ATRNL1: variants seen among roughly 807,000 people sequenced by gnomAD.
ATRNL1 encodes the protein attractin like 1, also known as attractin-like protein 1.
A neutral mutation model predicts 182.7 loss-of-function variants in ATRNL1; 95 were observed. That is an observed-to-expected ratio of 0.52 (90% CI 0.44 to 0.62). The LOEUF (loss-of-function observed/expected upper bound fraction) is 0.62. Among genes scored for constraint, ATRNL1 ranks in the 20% least tolerant of loss-of-function variants. ATRNL1 has a pLI of 0.00. For missense variants in ATRNL1, 1,471 were observed against 1,679.5 expected (o/e 0.88, Z 2.17); for synonymous variants, 576 against 568.3 (o/e 1.01, Z -0.19).
At chr10:115,303,879 G>A (rs1224363128) in intron 17 of ATRNL1, among the ~76,000 whole-genome samples, 1 of 152,018 alleles carries the variant, frequency 6.6e-6, no homozygotes, top group Non-Finnish European at 1.5e-5. Flanking sequence ...TCAGGAATAT[G>A]TTGTGGTTGA....
chr10:115,779,449 G>A (rs1488060433), intron 27 of ATRNL1, among the ~76,000 whole-genome samples: 1 of 152,174 alleles, frequency 6.6e-6, no homozygotes, highest in African/African-American at 2.4e-5. Flanking sequence ...CATCTACAAT[G>A]TCACTCACAT....
intron 21 of ATRNL1, among the ~76,000 whole-genome samples, chr10:115,431,319 C>T (rs952887556): frequency 5.3e-5 from 8 of 150,488 alleles, no homozygotes; most frequent in African/African-American, 1.5e-4. Context: ...GCAGGAGAAT[C>T]GCTTGAACCT....
At chr10:115,446,815 CTA>C (rs1267019247) in intron 21 of ATRNL1, among the ~76,000 whole-genome samples, 2 of 151,626 alleles carry the variant, frequency 1.3e-5, no homozygotes, top group African/African-American at 4.9e-5. Context: ...TTTTTATAAA[CTA>C]TTTTTATATA....
intron 10 of ATRNL1, among the ~76,000 whole-genome samples, chr10:115,255,753 A>G (rs1554906670): frequency 6.6e-6 from 1 of 152,224 alleles, no homozygotes; most frequent in Admixed American, 6.5e-5. Flanking sequence ...TTGCCCATTC[A>G]GTATGATACT....
intron 20 of ATRNL1, among the ~76,000 whole-genome samples, chr10:115,404,410 C>T (rs1296066786): frequency 6.6e-6 from 1 of 152,174 alleles, no homozygotes; most frequent in Non-Finnish European, 1.5e-5. Context: ...GCCATACACC[C>T]TCTGTTTCCT....
intron 27 of ATRNL1, among the ~76,000 whole-genome samples, chr10:115,831,140 G>A (rs141051973): frequency 3.9e-4 from 60 of 152,214 alleles, no homozygotes; most frequent in African/African-American, 1.4e-3. Flanking sequence ...AACACGGATG[G>A]GCTGGTTGGT....
intron 1 of ATRNL1, among the ~76,000 whole-genome samples, chr10:115,118,568 C>A (rs1844592445): frequency 6.6e-6 from 1 of 152,032 alleles, no homozygotes; most frequent in Non-Finnish European, 1.5e-5. Flanking sequence ...TTCTGGTACA[C>A]CACTATTTTA....
At chr10:115,540,395 A>G (rs1554991648) in intron 25 of ATRNL1, among the ~76,000 whole-genome samples, 1 of 152,136 alleles carries the variant, frequency 6.6e-6, no homozygotes, top group African/African-American at 2.4e-5. Flanking sequence ...TCTCTAGAGA[A>G]TATCAACATT....
chr10:115,719,376 A>T (rs1487728077), intron 26 of ATRNL1, among the ~76,000 whole-genome samples: 1 of 152,248 alleles, frequency 6.6e-6, no homozygotes, highest in Non-Finnish European at 1.5e-5. Flanking sequence ...TATCATCTGC[A>T]TAATCAAAGT....
At chr10:115,305,181 C>T (rs114857100) in intron 17 of ATRNL1, among the ~76,000 whole-genome samples, 1,786 of 151,876 alleles carry the variant, frequency 0.012, 34 homozygotes, top group African/African-American at 0.04. Flanking sequence ...AGGCAATGCA[C>T]GTAGAGACTT....
At chr10:115,135,539 T>A (rs928259882) in intron 5 of ATRNL1, among the ~76,000 whole-genome samples, 14 of 152,062 alleles carry the variant, frequency 9.2e-5, no homozygotes, top group Non-Finnish European at 1.5e-5. Flanking sequence ...TAAAAGAGGA[T>A]ACAAACAAAT....
chr10:115,913,157 A>G (rs1952737391), intron 28 of ATRNL1, among the ~76,000 whole-genome samples: 1 of 152,238 alleles, frequency 6.6e-6, no homozygotes, highest in Admixed American at 6.5e-5. Flanking sequence ...GTATGTGTCT[A>G]AAGTAATATT....
At chr10:115,657,802 C>T (rs1006294696) in intron 26 of ATRNL1, among the ~76,000 whole-genome samples, 3 of 152,082 alleles carry the variant, frequency 2.0e-5, no homozygotes, top group Non-Finnish European at 4.4e-5. Context: ...TCTCCCTTTT[C>T]TTCTTTATCT....
At chr10:115,904,363 T>C (rs1952439743) in intron 28 of ATRNL1, among the ~76,000 whole-genome samples, 1 of 152,152 alleles carries the variant, frequency 6.6e-6, no homozygotes, top group Non-Finnish European at 1.5e-5. Context: ...AGGCCACCAC[T>C]CTCAGCTGTT....
intron 21 of ATRNL1, among the ~76,000 whole-genome samples, chr10:115,460,991 C>T (rs1463447550): frequency 1.3e-5 from 2 of 151,892 alleles, no homozygotes; most frequent in Non-Finnish European, 2.9e-5. Flanking sequence ...CAAAATATTG[C>T]CTTACACTAA....
At chr10:115,184,477 A>G (rs1554888414) in intron 8 of ATRNL1, among the ~76,000 whole-genome samples, 3 of 151,646 alleles carry the variant, frequency 2.0e-5, no homozygotes, top group Non-Finnish European at 4.4e-5. Flanking sequence ...ATATATATAC[A>G]TGTACTACTT....
intron 28 of ATRNL1, among the ~76,000 whole-genome samples, chr10:115,850,129 C>G (rs1257681067): frequency 6.6e-6 from 1 of 152,002 alleles, no homozygotes; most frequent in African/African-American, 2.4e-5. Flanking sequence ...CTGTTATCTG[C>G]ATCAATTTGG....
chr10:115,678,979 T>A (rs1945956192), intron 26 of ATRNL1, among the ~76,000 whole-genome samples: 1 of 152,064 alleles, frequency 6.6e-6, no homozygotes, highest in Non-Finnish European at 1.5e-5. Context: ...AAACCCTCCA[T>A]TCAAAAATGG....
intron 26 of ATRNL1, among the ~76,000 whole-genome samples, chr10:115,691,834 T>C (rs1946404333): frequency 6.6e-6 from 1 of 152,230 alleles, no homozygotes; most frequent in Non-Finnish European, 1.5e-5. Context: ...TGCTATTAAG[T>C]TGTCGATTTT....
Sources: gnomAD v4.1 joint callset for allele counts (sites outside exome capture counted in the v4.1 genomes callset) on GRCh38, gnomAD v4.1.1 for gene constraint, MANE v1.5 for transcripts, NCBI Gene and HGNC (gene_info 2026-07-23, HGNC 2026-07-21) for gene names.